NKAIN2: variants seen among roughly 807,000 people sequenced by gnomAD.
NKAIN2 encodes the protein sodium/potassium transporting ATPase interacting 2, also known as sodium/potassium-transporting ATPase subunit beta-1-interacting protein 2.
A neutral mutation model predicts 32.6 loss-of-function variants in NKAIN2; 14 were observed. The ratio of observed to expected loss-of-function variants is 0.43; its 90% CI spans 0.28 to 0.67. The LOEUF is 0.67. NKAIN2 is among the 30% of genes least tolerant of loss of function. NKAIN2 has a pLI of 0.17. For synonymous variants in NKAIN2, 80 were observed against 87.2 expected (o/e 0.92, Z 0.46); for missense variants, 198 against 258.3 (o/e 0.77, Z 1.60).
At chr6:124,023,880 T>C (rs549423034) in intron 1 of NKAIN2, among the ~76,000 whole-genome samples, 1 of 152,166 alleles carries the variant, frequency 6.6e-6, no homozygotes, top group South Asian at 2.1e-4. Flanking sequence ...CATCTAGAGC[T>C]TAGAAGCAGC....
intron 3 of NKAIN2, among the ~76,000 whole-genome samples, chr6:124,633,779 C>G (rs138790916): frequency 2.5e-3 from 387 of 152,294 alleles, no homozygotes; most frequent in African/African-American, 9.0e-3. Context: ...ACTGATGGCA[C>G]CTAGAGCCCG....
At chr6:124,668,112 T>G (rs1772900240) in intron 4 of NKAIN2, among the ~76,000 whole-genome samples, 1 of 152,176 alleles carries the variant, frequency 6.6e-6, no homozygotes, top group Admixed American at 6.6e-5. Context: ...TATCAAGCAG[T>G]GGCCCTGAGA....
intron 1 of NKAIN2, among the ~76,000 whole-genome samples, chr6:123,945,843 A>C (rs549591247): frequency 1.1e-3 from 172 of 152,122 alleles, no homozygotes; most frequent in Admixed American, 2.2e-3. Flanking sequence ...AGAACGTTTA[A>C]CCCTGATTCC....
chr6:124,821,372 A>C (rs545921087), intron 6 of NKAIN2, among the ~76,000 whole-genome samples: 1 of 152,258 alleles, frequency 6.6e-6, no homozygotes, highest in South Asian at 2.1e-4. Context: ...ATAATATTTT[A>C]CTGTATTGGC....
intron 4 of NKAIN2, among the ~76,000 whole-genome samples, chr6:124,682,789 G>A (rs903762481): frequency 7.2e-5 from 11 of 152,058 alleles, no homozygotes; most frequent in South Asian, 2.1e-4. Context: ...ATAAAACAAC[G>A]TCTTTTTTTT....
chr6:124,759,873 A>G (rs1778177154), intron 4 of NKAIN2, among the ~76,000 whole-genome samples: 2 of 151,940 alleles, frequency 1.3e-5, no homozygotes, highest in African/African-American at 4.8e-5. Context: ...GAAGTGGCAG[A>G]GTACACATGA....
At chr6:124,638,277 G>T (rs1023119087) in intron 3 of NKAIN2, among the ~76,000 whole-genome samples, 1 of 152,166 alleles carries the variant, frequency 6.6e-6, no homozygotes, top group Admixed American at 6.5e-5. Flanking sequence ...ATGGGTGAAA[G>T]ACTTAAATGT....
chr6:123,914,076 A>C (rs1221245854), intron 1 of NKAIN2, among the ~76,000 whole-genome samples: 1 of 152,182 alleles, frequency 6.6e-6, no homozygotes. Context: ...AACAACAGAA[A>C]TTTATTTTCT....
At chr6:124,646,656 T>A (rs962946664) in intron 3 of NKAIN2, among the ~76,000 whole-genome samples, 1 of 151,946 alleles carries the variant, frequency 6.6e-6, no homozygotes, top group Non-Finnish European at 1.5e-5. Context: ...ATTTCCTACA[T>A]AAAGGAACCT....
chr6:124,402,676 T>G (rs563702203), intron 3 of NKAIN2, among the ~76,000 whole-genome samples: 1 of 152,310 alleles, frequency 6.6e-6, no homozygotes, highest in East Asian at 1.9e-4. Context: ...CTGGAGGTCA[T>G]GATCCTAAGC....
At chr6:123,815,248 T>A (rs1345453237) in intron 1 of NKAIN2, among the ~76,000 whole-genome samples, 1 of 152,194 alleles carries the variant, frequency 6.6e-6, no homozygotes, top group Non-Finnish European at 1.5e-5. Flanking sequence ...AAGCTAAACA[T>A]GCTTTACTGT....
intron 3 of NKAIN2, among the ~76,000 whole-genome samples, chr6:124,641,638 G>C (rs1380364726): frequency 7.6e-6 from 1 of 130,742 alleles, no homozygotes; most frequent in Non-Finnish European, 1.6e-5. Context: ...TGCAACCTCC[G>C]CCTCCTGGGC....
At chr6:124,261,811 G>A (rs1273342269) in intron 1 of NKAIN2, among the ~76,000 whole-genome samples, 1 of 148,840 alleles carries the variant, frequency 6.7e-6, no homozygotes, top group Non-Finnish European at 1.5e-5. Context: ...AGTGAGCCAA[G>A]ATCACGCCAC....
chr6:124,217,548 A>C (rs1309683066), intron 1 of NKAIN2, among the ~76,000 whole-genome samples: 1 of 152,052 alleles, frequency 6.6e-6, no homozygotes, highest in East Asian at 1.9e-4. Flanking sequence ...CAAAGCACAC[A>C]TTTCTTTATG....
intron 1 of NKAIN2, among the ~76,000 whole-genome samples, chr6:123,835,617 G>A (rs1315473461): frequency 6.6e-6 from 1 of 152,074 alleles, no homozygotes; most frequent in Non-Finnish European, 1.5e-5. Context: ...ACATCACATT[G>A]CATAAATGAG....
intron 1 of NKAIN2, among the ~76,000 whole-genome samples, chr6:123,832,816 ATGT>A (rs1774442549): frequency 6.6e-6 from 1 of 152,028 alleles, no homozygotes; most frequent in Non-Finnish European, 1.5e-5. Flanking sequence ...CTTTTAAATT[ATGT>A]TGTTTGTTTT....
At chr6:124,345,495 A>G (rs1267543986) in intron 2 of NKAIN2, among the ~76,000 whole-genome samples, 1 of 152,108 alleles carries the variant, frequency 6.6e-6, no homozygotes, top group Non-Finnish European at 1.5e-5. Flanking sequence ...GCTATTGATT[A>G]TTGCCACAAT....
chr6:124,482,935 C>T (rs1457289304), intron 3 of NKAIN2, among the ~76,000 whole-genome samples: 1 of 152,002 alleles, frequency 6.6e-6, no homozygotes, highest in Non-Finnish European at 1.5e-5. Context: ...GAGATTGAGA[C>T]CACGGTGAAA....
intron 5 of NKAIN2, among the ~76,000 whole-genome samples, chr6:124,809,568 C>A (rs1780777000): frequency 6.6e-6 from 1 of 150,580 alleles, no homozygotes; most frequent in South Asian, 2.2e-4. Context: ...AGGACATAGG[C>A]ATGGGCAAGG....
Sources: allele counts gnomAD v4.1 joint callset (sites outside exome capture counted in the v4.1 genomes callset), GRCh38; gene constraint gnomAD v4.1.1; transcripts MANE v1.5; gene names NCBI Gene and HGNC (gene_info 2026-07-23, HGNC 2026-07-21).